Variants in RIMKLA observed in about 807,000 individuals in gnomAD.
RIMKLA encodes the protein ribosomal modification protein rimK like family member A, also known as N-acetylaspartylglutamate synthase A.
RIMKLA carries 14 observed loss-of-function variants against 32.7 expected under a neutral mutation model. The observed-to-expected ratio is 0.43, with a 90% confidence interval of 0.28 to 0.67. RIMKLA has a LOEUF of 0.67. Ranked by LOEUF, RIMKLA falls within the 30% of genes least tolerant of loss-of-function variation. RIMKLA has a pLI of 0.18. For synonymous variants in RIMKLA, 176 were observed against 204.1 expected (o/e 0.86, Z 1.18); for missense variants, 410 against 519.0 (o/e 0.79, Z 2.04).
At chr1:42,404,668 A>G in intron 3 of RIMKLA, 71 bp downstream of exon 3, 1 of 926,730 alleles carries the variant, frequency 1.1e-6, no homozygotes, top group South Asian at 1.3e-5. Flanking sequence ...TGGACAAGAC[A>G]CTCCTCAAGT....
intron 4 of RIMKLA, among the ~76,000 whole-genome samples, chr1:42,413,096 T>C (rs571647284): frequency 8.5e-5 from 13 of 152,090 alleles, no homozygotes; most frequent in African/African-American, 2.7e-4. Context: ...ATCGTGCCAT[T>C]GCACTCCAGC....
intron 1 of RIMKLA, among the ~76,000 whole-genome samples, chr1:42,385,756 T>C (rs1642931846): frequency 9.2e-6 from 1 of 109,216 alleles, no homozygotes; most frequent in African/African-American, 4.8e-5. Context: ...TCTTTCTTTC[T>C]TTCTTTCTTT....
chr1:42,392,052 T>C (rs1435023456), intron 1 of RIMKLA, among the ~76,000 whole-genome samples: 1 of 152,192 alleles, frequency 6.6e-6, no homozygotes, highest in East Asian at 1.9e-4. Flanking sequence ...GAGACATTCT[T>C]GAACTCAGTG....
At position 42,385,915 on chromosome 1, in the gene RIMKLA, C is replaced by CTTCTTTCT. The variant is rs535064715; in HGVS notation, c.163+4833_163+4840dup. 1.5e-4 allele frequency among the ~76,000 whole-genome samples: 12 copies of CTTCTTTCT among 82,436 alleles called. 1 individual carries two copies. Among genetic ancestry groups the CTTCTTTCT allele is most frequent in the African/African-American group, 4.7e-4 (11 of 23,378 alleles). 54.1% of individuals were successfully genotyped at this position (82,436 alleles called of 152,430 possible). A position where few individuals can be genotyped will look rare whatever the true frequency, so the allele number is the denominator to read the frequency against. On this transcript the variant is annotated intron_variant, in intron 1 of 4. Coordinates refer to ENST00000431473, the MANE Select transcript of RIMKLA (RefSeq NM_173642.4). Reference sequence around the variant, plus strand: ...CTTTCTTTCCTTCTTTCCTTCTTTCCTTCTTTCTTTCTTTCTTTCTTTTTG... The same window carrying CTTCTTTCT: ...CTTTCTTTCCTTCTTTCCTTCTTTCCTTCTTTCTTTCTTTCTTTCTTTCTTTCTTTTTG...
At chr1:42,407,052 T>C (rs1460420231) in intron 3 of RIMKLA, among the ~76,000 whole-genome samples, 1 of 152,034 alleles carries the variant, frequency 6.6e-6, no homozygotes, top group Non-Finnish European at 1.5e-5. Context: ...ACTATAGGCA[T>C]GCGCCACCAT....
chr1:42,390,036 CTTTTTTTTTTTT>C (rs35754511), intron 1 of RIMKLA, among the ~76,000 whole-genome samples: 1 of 111,688 alleles, frequency 9.0e-6, no homozygotes, highest in Non-Finnish European at 1.8e-5. Flanking sequence ...TTTTCTTTTC[CTTTTTTTTTTTT>C]TTTTTTTTGA....
Position 42,424,175 on chromosome 1 carries a change from C to T in RIMKLA, c.*9201C>T, listed in dbSNP as rs12138050. ...TTTGGTGATTGTTCTAATAAGAATA[C>T]GTAAGAATGTGTCCTTGTTTTTAGA... On this transcript the variant is annotated 3_prime_UTR_variant, in exon 5 of 5. Transcript: ENST00000431473. Among the ~76,000 whole-genome samples the T allele has an allele frequency of 5.3e-5, 8 of 151,978 alleles. No individual in the cohort carries two copies. Among genetic ancestry groups the T allele is most frequent in the Non-Finnish European group, 7.4e-5 (5 of 68,018 alleles).
At chr1:42,397,650 A>G (rs977646649) in intron 1 of RIMKLA, among the ~76,000 whole-genome samples, 5 of 152,166 alleles carry the variant, frequency 3.3e-5, no homozygotes, top group African/African-American at 1.2e-4. Context: ...GCTTGAGCCT[A>G]GGAGTTAGAG....
intron 2 of RIMKLA, among the ~76,000 whole-genome samples, chr1:42,400,648 A>G (rs1643089130): frequency 6.6e-6 from 1 of 152,218 alleles, no homozygotes; most frequent in Non-Finnish European, 1.5e-5. Flanking sequence ...GTGGGAGGAA[A>G]GAAGCTGATT....
At chr1:42,394,174 T>A (rs1013777411) in intron 1 of RIMKLA, among the ~76,000 whole-genome samples, 4 of 152,264 alleles carry the variant, frequency 2.6e-5, no homozygotes, top group African/African-American at 9.6e-5. Flanking sequence ...TCAAATATAA[T>A]GGTTCTAAAA....
chr1:42,405,257 T>C (rs377731565), intron 3 of RIMKLA, among the ~76,000 whole-genome samples: 8 of 152,362 alleles, frequency 5.3e-5, no homozygotes, highest in African/African-American at 1.7e-4. Context: ...TCTTCCCTTT[T>C]TGTTTCCATA....
At chr1:42,409,653 TG>T (rs1316436908) in intron 3 of RIMKLA, among the ~76,000 whole-genome samples, 1 of 152,234 alleles carries the variant, frequency 6.6e-6, no homozygotes, top group Non-Finnish European at 1.5e-5. Context: ...CTGGGGGTGA[TG>T]GGAGATGCTA....
At chr1:42,397,030 A>T (rs903063925) in intron 1 of RIMKLA, among the ~76,000 whole-genome samples, 2 of 152,220 alleles carry the variant, frequency 1.3e-5, no homozygotes, top group Non-Finnish European at 2.9e-5. Context: ...TCTGTAAGTG[A>T]TACTGTTTTC....
intron 1 of RIMKLA, among the ~76,000 whole-genome samples, chr1:42,395,581 C>T (rs1284582281): frequency 6.6e-6 from 1 of 152,098 alleles, no homozygotes; most frequent in Non-Finnish European, 1.5e-5. Context: ...TGACTAGCAA[C>T]CAAGCAGAGC....
rs568570345 is a variant in RIMKLA at position 42,402,222 on chromosome 1, A to G, written c.395-2289A>G. On this transcript the variant is annotated intron_variant, in intron 2 of 4. Coordinates refer to ENST00000431473, the MANE Select transcript of RIMKLA (RefSeq NM_173642.4). ...TAATGCCACTCCCCCACCCTGAGATACCCAAGTCCTAATCCCTAGCACCTG... is the reference window on the plus strand; with the variant it reads ...TAATGCCACTCCCCCACCCTGAGATGCCCAAGTCCTAATCCCTAGCACCTG... 7.2e-5 allele frequency among the ~76,000 whole-genome samples: 11 copies of G among 152,286 alleles called. No homozygotes were observed. The South Asian group carries it at 2.3e-3, about 32-fold the overall frequency.
chr1:42,385,808 T>TTCCTTCCTTCCTTCCTTCCTTCCTTCC, intron 1 of RIMKLA, among the ~76,000 whole-genome samples: 1 of 75,892 alleles, frequency 1.3e-5, no homozygotes, highest in Non-Finnish European at 3.1e-5. Flanking sequence ...TCTCTCTCTC[T>TTCCTTCCTTCCTTCCTTCCTTCCTTCC]TTCCTTCCTT....
chr1:42,408,683 A>G (rs1643170163), intron 3 of RIMKLA, among the ~76,000 whole-genome samples: 2 of 152,028 alleles, frequency 1.3e-5, no homozygotes. Flanking sequence ...AGCCTCCCAA[A>G]GTGCTAGGAT....
At chr1:42,389,877 G>T (rs569415027) in intron 1 of RIMKLA, among the ~76,000 whole-genome samples, 1 of 152,080 alleles carries the variant, frequency 6.6e-6, no homozygotes, top group Non-Finnish European at 1.5e-5. Context: ...AGCAATGTGC[G>T]TGTAGCATTA....
chr1:42,381,123 C>T, intron 1 of RIMKLA, 26 bp downstream of exon 1: 1 of 1,243,152 alleles, frequency 8.0e-7, no homozygotes, highest in Non-Finnish European at 1.0e-6. Context: ...CCGGGGAGGG[C>T]AGGGAGGCGC....
Sources: gnomAD v4.1 joint callset for allele counts (sites outside exome capture counted in the v4.1 genomes callset) on GRCh38, gnomAD v4.1.1 for gene constraint, MANE v1.5 for transcripts, NCBI Gene and HGNC (gene_info 2026-07-23, HGNC 2026-07-21) for gene names.